Variants in DES observed in about 807,000 individuals in gnomAD.
DES encodes the protein cardiomyopathy, dilated 1F (autosomal dominant).
A neutral mutation model predicts 55.1 loss-of-function variants in DES; 34 were observed. That is an observed-to-expected ratio of 0.62 (90% CI 0.47 to 0.82). The LOEUF (loss-of-function observed/expected upper bound fraction) is 0.82. DES is among the 40% of genes least tolerant of loss of function. The probability of loss-of-function intolerance (pLI) is 0.00; values close to 1 mark genes in which losing one functional copy is unlikely to be tolerated. For missense variants in DES, 596 were observed against 645.9 expected (o/e 0.92, Z 0.84); for synonymous variants, 259 against 270.8 (o/e 0.96, Z 0.43).
intron 6 of DES, among the ~76,000 whole-genome samples, chr2:219,423,251 AC>A (rs931381094): frequency 2.0e-5 from 3 of 152,152 alleles, no homozygotes; most frequent in Non-Finnish European, 4.4e-5. Flanking sequence ...CCAGCAGTTC[AC>A]AGTTGAAATA....
rs371830218 is a variant in DES, at chr2:219,421,419, C to T, written c.1103C>T (p.Ala368Val). The T allele has an allele frequency of 3.7e-6, 6 of 1,613,948 alleles. No individual in the cohort carries two copies. The Admixed American group carries it at 5.0e-5, about 13-fold the overall frequency. The part of the protein sequence containing the change: ...SEASGYQDNI[A>V]RLEEEIRHLK... ...GCCAGTGGCTACCAGGACAACATTG[C>T]GCGCCTGGAGGAGGAAATCCGGCAC... Residue 368 changes from alanine (A) to valine (V), a missense_variant, in exon 6 of 9, where the codon GCG becomes GTG. Transcript: ENST00000373960.
chr2:219,420,782 G>T lies in DES; in HGVS notation c.898-46G>T, dbSNP rs750024872. The T allele has an allele frequency of 7.4e-6, 12 of 1,613,246 alleles. No homozygotes were observed. Among genetic ancestry groups the T allele is most frequent in the Middle Eastern group, 1.6e-4 (1 of 6,084 alleles). On this transcript the variant is annotated intron_variant, in intron 4 of 8. Coordinates refer to ENST00000373960, the MANE Select transcript of DES (RefSeq NM_001927.4). The surrounding 1 kb of genome is among the most constrained non-coding windows in gnomAD (Gnocchi z 6.0). ...CATGCTCCCTTGCTCATCCCTACCCGTGCCCTGCATCCTTCTCATTTTTGG... is the reference window on the plus strand; with the variant it reads ...CATGCTCCCTTGCTCATCCCTACCCTTGCCCTGCATCCTTCTCATTTTTGG...
At position 219,420,344 on chromosome 2, in the gene DES, G is replaced by A; in HGVS notation, c.733G>A (p.Glu245Lys). The A allele has an allele frequency of 6.2e-7, 1 of 1,614,042 alleles. No homozygotes were observed. The highest frequency in any genetic ancestry group is 8.5e-7 in the Non-Finnish European group (1 of 1,180,030). The part of the protein sequence containing the change: ...EIAFLKKVHE[E>K]EIRELQAQLQ... ...CGCGTTCCTTAAGAAAGTGCATGAAGAGGTATACCTTGGCCCCTCTTCCTG... is the reference window on the plus strand; with the variant it reads ...CGCGTTCCTTAAGAAAGTGCATGAAAAGGTATACCTTGGCCCCTCTTCCTG... The change falls in exon 3 of 9, where the codon GAG becomes AAG. Residue 245 changes from glutamate (E) to lysine (K), a missense_variant and splice_region_variant. Physicochemically the swap from Glu to Lys is moderately conservative, Grantham distance 56. Coordinates refer to ENST00000373960, the MANE Select transcript of DES (RefSeq NM_001927.4). This position sits in a 1 kb window ranked among gnomAD's most constrained non-coding sequence, Gnocchi z 6.0.
At chr2:219,421,706 GC>G in intron 6 of DES, 146 bp downstream of exon 6, 1 of 725,856 alleles carries the variant, frequency 1.4e-6, no homozygotes, top group Non-Finnish European at 2.2e-6. Flanking sequence ...CGCTCTTGTC[GC>G]CCAGTCTGGA....
chr2:219,426,420 C>T lies in DES; in HGVS notation c.*430C>T, dbSNP rs1954539357. 3.3e-6 allele frequency: 1 copy of T among 302,526 alleles called. No individual in the cohort carries two copies. The highest frequency in any genetic ancestry group is 6.5e-6 in the Non-Finnish European group (1 of 154,770). 18.7% of individuals were successfully genotyped at this position (302,526 alleles called of 1,614,324 possible). A position where few individuals can be genotyped will look rare whatever the true frequency, so the allele number is the denominator to read the frequency against. On this transcript the variant is annotated 3_prime_UTR_variant, in exon 9 of 9. Transcript: ENST00000373960. The surrounding 1 kb of genome is among the most constrained non-coding windows in gnomAD (Gnocchi z 4.5). ...GCCCCTAGCCCAGGAGAGAGAAAGC[C>T]AGGCAGGTAGCCAGGGGGACTAGCC...
chr2:219,420,713 G>T lies in DES; in HGVS notation c.897+57G>T. 6.2e-7 allele frequency: 1 copy of T among 1,613,848 alleles called. No individual in the cohort carries two copies. The highest frequency in any genetic ancestry group is 1.1e-5 in the South Asian group (1 of 91,020). ...CGTCCCCCTGAATCCCAGCTTGGATGTGCTGCCTGTGGTACCATCCATGGG... is the reference window on the plus strand; with the variant it reads ...CGTCCCCCTGAATCCCAGCTTGGATTTGCTGCCTGTGGTACCATCCATGGG... On this transcript the variant is annotated intron_variant, in intron 4 of 8. Transcript: ENST00000373960. This position sits in a 1 kb window ranked among gnomAD's most constrained non-coding sequence, Gnocchi z 6.0.
rs896175109 is a variant in DES at position 219,419,194 on chromosome 2, T to C, written c.578+154T>C. 6.6e-6 allele frequency among the ~76,000 whole-genome samples: 1 copy of C among 152,188 alleles called. No individual in the cohort carries two copies. Among genetic ancestry groups the C allele is most frequent in the African/African-American group, 2.4e-5 (1 of 41,448 alleles). ...AGAAAGGGTCCTCCACCTGTGTGTTTCAAGGGGCCGTGACCTCCAGGTCTC... is the reference window on the plus strand; with the variant it reads ...AGAAAGGGTCCTCCACCTGTGTGTTCCAAGGGGCCGTGACCTCCAGGTCTC... On this transcript the variant is annotated intron_variant, in intron 1 of 8. Coordinates refer to ENST00000373960, the MANE Select transcript of DES (RefSeq NM_001927.4). This position sits in a 1 kb window ranked among gnomAD's most constrained non-coding sequence, Gnocchi z 4.3.
rs1358211194 is a variant in DES at position 219,419,007 on chromosome 2, A to C, written c.545A>C (p.Asn182Thr). ...GCGCGCGTCGACGTCGAGCGCGACAACCTGCTCGACGACCTGCAGCGGCTC... is the reference window on the plus strand; with the variant it reads ...GCGCGCGTCGACGTCGAGCGCGACACCCTGCTCGACGACCTGCAGCGGCTC... ...QRARVDVERD[N>T]LLDDLQRLKA... The change falls in exon 1 of 9, where the codon AAC becomes ACC. Residue 182 changes from asparagine (N) to threonine (T), a missense_variant. Transcript: ENST00000373960. This position sits in a 1 kb window ranked among gnomAD's most constrained non-coding sequence, Gnocchi z 4.3. 2.6e-6 allele frequency: 4 copies of C among 1,546,662 alleles called. No individual in the cohort carries two copies. The highest frequency in any genetic ancestry group is 3.5e-6 in the Non-Finnish European group (4 of 1,147,550).
In DES at chr2:219,426,105, C is replaced by A; in HGVS notation, c.*115C>A. 1 of 1,175,130 alleles carries A rather than the reference C, an allele frequency of 8.5e-7. No individual in the cohort carries two copies. Among genetic ancestry groups the A allele is most frequent in the Non-Finnish European group, 1.2e-6 (1 of 806,004 alleles). 72.8% of individuals were successfully genotyped at this position (1,175,130 alleles called of 1,614,324 possible). ...CCCAGCCTCAGTCCTCCCCTCACAG[C>A]CTCTGACCCCTCCTCACTGGCCATC... On this transcript the variant is annotated 3_prime_UTR_variant, in exon 9 of 9. Coordinates refer to ENST00000373960, the MANE Select transcript of DES (RefSeq NM_001927.4). The surrounding 1 kb of genome is among the most constrained non-coding windows in gnomAD (Gnocchi z 4.5).
At position 219,419,997 on chromosome 2, in the gene DES, T is replaced by A; in HGVS notation, c.579-98T>A. On this transcript the variant is annotated intron_variant, in intron 1 of 8. Coordinates refer to ENST00000373960, the MANE Select transcript of DES (RefSeq NM_001927.4). This position sits in a 1 kb window ranked among gnomAD's most constrained non-coding sequence, Gnocchi z 4.3. The stretch of plus-strand genomic sequence containing the variant: ...CTACCCAGCAGCCAGGCCCTCCCGC[T>A]CTGTCCTGGACCCACCCCCTGGTCA... The A allele has an allele frequency of 2.3e-6, 3 of 1,323,542 alleles. No homozygotes were observed. The highest frequency in any genetic ancestry group is 2.2e-6 in the Non-Finnish European group (2 of 919,092). 82.0% of individuals were successfully genotyped at this position (1,323,542 alleles called of 1,614,324 possible).
At position 219,420,297 on chromosome 2, in the gene DES, T is replaced by A; in HGVS notation, c.686T>A (p.Ile229Asn). ...GCTCGCATTGACCTGGAGCGCAGAA[T>A]TGAATCTCTCAACGAGGAGATCGCG... ...TLARIDLERR[I>N]ESLNEEIAFL... The change falls in exon 3 of 9, where the codon ATT becomes AAT. Residue 229 changes from isoleucine to asparagine, a missense_variant. Transcript: ENST00000373960. This position sits in a 1 kb window ranked among gnomAD's most constrained non-coding sequence, Gnocchi z 6.0. 6.2e-7 allele frequency: 1 copy of A among 1,614,192 alleles called. No individual in the cohort carries two copies. The highest frequency in any genetic ancestry group is 8.5e-7 in the Non-Finnish European group (1 of 1,180,036).
chr2:219,418,756 C>T lies in DES; in HGVS notation c.294C>T (p.Asn98=), dbSNP rs1954370578. The change falls in exon 1 of 9, where the codon AAC becomes AAT. Residue 98 remains asparagine (N), a synonymous_variant. Coordinates refer to ENST00000373960, the MANE Select transcript of DES (RefSeq NM_001927.4). ...LLDFSLADAV[N]QEFLTTRTNE... ...ACTTCTCACTGGCCGACGCGGTGAA[C>T]CAGGAGTTTCTGACCACGCGCACCA... 2.6e-6 allele frequency: 4 copies of T among 1,562,172 alleles called. No homozygotes were observed. The highest frequency in any genetic ancestry group is 1.4e-5 in the African/African-American group (1 of 74,010).
In DES at chr2:219,422,463, CTT is replaced by C. The variant is rs71040455; in HGVS notation, c.1244+921_1244+922del. On this transcript the variant is annotated intron_variant, in intron 6 of 8. Coordinates refer to ENST00000373960, the MANE Select transcript of DES (RefSeq NM_001927.4). ...GTGGGATAACAGAAATGTTCTATAT[CTT>C]TTTTTTTTTTTTTTTTTGAGACAGA... Among the ~76,000 whole-genome samples, 22 of 103,502 alleles carry C rather than the reference CTT, an allele frequency of 2.1e-4. No homozygotes were observed. The East Asian group carries it at 4.7e-3, about 22-fold the overall frequency. The allele number at this position is 103,502 out of a possible 152,430, so 67.9% of individuals were successfully genotyped here.
rs2125165803 is a variant in DES, at chr2:219,418,549, G to T, written c.87G>T (p.Pro29=). 2 of 1,603,762 alleles carry T rather than the reference G, an allele frequency of 1.2e-6. No homozygotes were observed. The highest frequency in any genetic ancestry group is 1.7e-6 in the Non-Finnish European group (2 of 1,176,170). The stretch of plus-strand genomic sequence containing the variant: ...CCCCGGGCTTCCCACTCGGCTCCCC[G>T]CTGAGTTCGCCCGTGTTCCCGCGGG... The part of the protein sequence containing the change: ...GGAPGFPLGS[P]LSSPVFPRAG... The change falls in exon 1 of 9, where the codon CCG becomes CCT. Residue 29 remains proline, a synonymous_variant. Transcript: ENST00000373960.
At position 219,418,396 on chromosome 2, in the gene DES, ACT is replaced by A; in HGVS notation, c.-63_-62del. The stretch of plus-strand genomic sequence containing the variant: ...GGCCCTGTCTCCCCTCGCCGCATCC[ACT>A]CTCCGGCCGGCCGCCTGCCCGCCGC... On this transcript the variant is annotated 5_prime_UTR_variant, in exon 1 of 9. Transcript: ENST00000373960. 6.8e-7 allele frequency: 1 copy of A among 1,478,732 alleles called. No homozygotes were observed. The highest frequency in any genetic ancestry group is 9.0e-7 in the Non-Finnish European group (1 of 1,114,766). The allele number at this position is 1,478,732 out of a possible 1,614,324, so 91.6% of individuals were successfully genotyped here.
chr2:219,420,072 GTCTT>G lies in DES; in HGVS notation c.579-19_579-16del. On this transcript the variant is annotated intron_variant, in intron 1 of 8. Transcript: ENST00000373960. This position sits in a 1 kb window ranked among gnomAD's most constrained non-coding sequence, Gnocchi z 6.0. ...CCAGCTTTATCACCCGCAACTGTCTGTCTTTCTGTCTGTCCCACCCAGGCTGCAG... is the reference window on the plus strand; with the variant it reads ...CCAGCTTTATCACCCGCAACTGTCTGTCTGTCTGTCCCACCCAGGCTGCAG... 5 of 1,614,048 alleles carry G rather than the reference GTCTT, an allele frequency of 3.1e-6. No individual in the cohort carries two copies. The highest frequency in any genetic ancestry group is 4.2e-6 in the Non-Finnish European group (5 of 1,179,918).
rs1420111655 is a variant in DES, at chr2:219,418,433, G to A, written c.-30G>A. ...GCCGCCTGCCCGCCGCCTCCTCCGT[G>A]CGCCCGCCAGCCTCGCCCGCGCCGT... is the stretch of plus-strand genomic sequence containing the variant. On this transcript the variant is annotated 5_prime_UTR_variant, in exon 1 of 9. Transcript: ENST00000373960. 6.5e-7 allele frequency: 1 copy of A among 1,547,218 alleles called. No individual in the cohort carries two copies. The highest frequency in any genetic ancestry group is 1.5e-5 in the African/African-American group (1 of 66,086).
In DES at chr2:219,426,484, C is replaced by A; in HGVS notation, c.*494C>A. On this transcript the variant is annotated 3_prime_UTR_variant, in exon 9 of 9. Transcript: ENST00000373960. The surrounding 1 kb of genome is among the most constrained non-coding windows in gnomAD (Gnocchi z 4.5). ...GGGGGCTTGAAATTGTCCCCGTGGT[C>A]TCTTACTTTCCTTTCCCCAGCCCAG... 4.5e-6 allele frequency: 1 copy of A among 223,666 alleles called. No individual in the cohort carries two copies. The highest frequency in any genetic ancestry group is 5.0e-5 in the Admixed American group (1 of 19,928). The allele number at this position is 223,666 out of a possible 1,614,324, so 13.9% of individuals were successfully genotyped here.
chr2:219,419,401 C>T lies in DES; in HGVS notation c.578+361C>T, dbSNP rs1362239144. On this transcript the variant is annotated intron_variant, in intron 1 of 8. Coordinates refer to ENST00000373960, the MANE Select transcript of DES (RefSeq NM_001927.4). The surrounding 1 kb of genome is among the most constrained non-coding windows in gnomAD (Gnocchi z 4.3). ...GGCAGAGGAAGGGCTGCAGGAGGCC[C>T]AGAGGGCAGTGTAGCCAGAGGGAGA... 6.6e-6 allele frequency among the ~76,000 whole-genome samples: 1 copy of T among 151,880 alleles called. No homozygotes were observed. The highest frequency in any genetic ancestry group is 2.4e-5 in the African/African-American group (1 of 41,318).
Sources: allele counts gnomAD v4.1 joint callset (sites outside exome capture counted in the v4.1 genomes callset), GRCh38; gene constraint gnomAD v4.1.1; non-coding constraint Gnocchi (gnomAD v3.1); transcripts MANE v1.5; gene names NCBI Gene and HGNC (gene_info 2026-07-23, HGNC 2026-07-21).